NUDCD1: variants seen among roughly 807,000 people sequenced by gnomAD.
NUDCD1 encodes the protein nudC domain-containing protein 1.
In NUDCD1, 60 loss-of-function variants were observed where a neutral mutation model predicts 67.8. That is an observed-to-expected ratio of 0.88 (90% CI 0.72 to 1.10). The LOEUF is 1.10. Among genes scored for constraint, NUDCD1 ranks in the 50% least tolerant of loss-of-function variants. NUDCD1 has a pLI of 0.00. For synonymous variants in NUDCD1, 244 were observed against 230.8 expected (o/e 1.06, Z -0.52); for missense variants, 643 against 695.0 (o/e 0.93, Z 0.84).
intron 8 of NUDCD1, among the ~76,000 whole-genome samples, chr8:109,253,383 C>G (rs1484372803): frequency 6.6e-6 from 1 of 152,160 alleles, no homozygotes; most frequent in African/African-American, 2.4e-5. Flanking sequence ...TAGCACAGAA[C>G]TGACTTAGAG....
intron 1 of NUDCD1, among the ~76,000 whole-genome samples, chr8:109,331,041 T>G (rs1815793122): frequency 6.6e-6 from 1 of 151,836 alleles, no homozygotes; most frequent in South Asian, 2.1e-4. Flanking sequence ...ACCCCGGAAC[T>G]TCAAAGAAAA....
chr8:109,304,920 G>C (rs1815069203), intron 2 of NUDCD1, among the ~76,000 whole-genome samples: 1 of 152,022 alleles, frequency 6.6e-6, no homozygotes, highest in South Asian at 2.1e-4. Flanking sequence ...AAGACAAATG[G>C]TTCTTGGACC....
At chr8:109,277,464 C>CAA (rs113778207) in intron 6 of NUDCD1, among the ~76,000 whole-genome samples, 44 of 144,064 alleles carry the variant, frequency 3.1e-4, no homozygotes, top group African/African-American at 1.1e-3. Flanking sequence ...ACCATCCAAG[C>CAA]AAAAAAAAAA....
chr8:109,266,507 G>T (rs1002802128), intron 8 of NUDCD1, among the ~76,000 whole-genome samples: 1 of 150,278 alleles, frequency 6.7e-6, no homozygotes, highest in African/African-American at 2.5e-5. Flanking sequence ...GCCTCCCAAA[G>T]TGCTGGGATT....
At position 109,325,469 on chromosome 8, in the gene NUDCD1, T is replaced by G. The variant is rs80123363; in HGVS notation, c.119-3006A>C. On this transcript the variant is annotated intron_variant, in intron 1 of 9. Transcript: ENST00000239690. The stretch of plus-strand genomic sequence containing the variant: ...ATCAAAATATAACATAAAATCCCAG[T>G]TTATCAATTTAACATATTTTTAAAA... 9.6e-3 allele frequency among the ~76,000 whole-genome samples: 1,459 copies of G among 152,268 alleles called. 31 individuals are homozygous for G. Among genetic ancestry groups the G allele is most frequent in the African/African-American group, 0.033 (1,382 of 41,552 alleles).
intron 2 of NUDCD1, among the ~76,000 whole-genome samples, chr8:109,304,449 A>G (rs1236852784): frequency 6.6e-6 from 1 of 152,176 alleles, no homozygotes; most frequent in African/African-American, 2.4e-5. Context: ...GCTATGCTAT[A>G]GTATCTTCCA....
intron 6 of NUDCD1, among the ~76,000 whole-genome samples, chr8:109,277,724 ACTT>A (rs1171444579): frequency 6.6e-6 from 1 of 152,216 alleles, no homozygotes; most frequent in Non-Finnish European, 1.5e-5. Flanking sequence ...TGCTGAAACT[ACTT>A]ACATGAAGTC....
At chr8:109,303,056 GGA>G (rs1815026339) in intron 2 of NUDCD1, among the ~76,000 whole-genome samples, 1 of 152,224 alleles carries the variant, frequency 6.6e-6, no homozygotes, top group South Asian at 2.1e-4. Context: ...TGTTCCTCCA[GGA>G]CCGCCTCCCC....
At chr8:109,264,121 G>A (rs1418112706) in intron 8 of NUDCD1, among the ~76,000 whole-genome samples, 1 of 152,182 alleles carries the variant, frequency 6.6e-6, no homozygotes, top group African/African-American at 2.4e-5. Context: ...TACTTGGGAA[G>A]CACTTGGGAA....
chr8:109,296,643 T>G (rs572783551), intron 2 of NUDCD1, 74 bp from the exon 3 acceptor site: 1 of 1,021,202 alleles, frequency 9.8e-7, no homozygotes, highest in Non-Finnish European at 1.4e-6. Flanking sequence ...ATATCTGCGG[T>G]GTGGTGGTTT....
intron 8 of NUDCD1, among the ~76,000 whole-genome samples, chr8:109,269,803 AT>A (rs1477990179): frequency 4.0e-5 from 6 of 151,840 alleles, no homozygotes; most frequent in African/African-American, 1.5e-4. Context: ...CACTAGATTA[AT>A]TTCTATATGC....
chr8:109,275,520 A>G (rs755595883), intron 6 of NUDCD1, 24 bp from the exon 7 acceptor site: 7 of 1,587,662 alleles, frequency 4.4e-6, no homozygotes, highest in Middle Eastern at 1.7e-4. Flanking sequence ...TGGGAAAAGT[A>G]ATGTTACATT....
At position 109,241,879 on chromosome 8, in the gene NUDCD1, G is replaced by T. The variant is rs1813374208; in HGVS notation, c.*1130C>A. On this transcript the variant is annotated 3_prime_UTR_variant, in exon 10 of 10. Coordinates refer to ENST00000239690, the MANE Select transcript of NUDCD1 (RefSeq NM_032869.4). The stretch of plus-strand genomic sequence containing the variant: ...AAAATCCAACTTGAGGTTTATATAA[G>T]ATACATATCTTGAAATGGTATAAAA... 5.1e-6 allele frequency: 2 copies of T among 388,592 alleles called. No individual in the cohort carries two copies. Among genetic ancestry groups the T allele is most frequent in the Non-Finnish European group, 4.5e-6 (1 of 220,130 alleles). The allele number at this position is 388,592 out of a possible 1,614,324, so 24.1% of individuals were successfully genotyped here. A position where few individuals can be genotyped will look rare whatever the true frequency, so the allele number is the denominator to read the frequency against.
intron 5 of NUDCD1, among the ~76,000 whole-genome samples, chr8:109,288,951 T>C (rs1004620201): frequency 1.3e-5 from 2 of 151,854 alleles, no homozygotes; most frequent in African/African-American, 4.8e-5. Flanking sequence ...TATACAAATA[T>C]AAATTTCTTC....
chr8:109,266,944 C>T (rs1363755667), intron 8 of NUDCD1, among the ~76,000 whole-genome samples: 1 of 152,042 alleles, frequency 6.6e-6, no homozygotes, highest in East Asian at 1.9e-4. Flanking sequence ...GAGTTCTGAC[C>T]TTTTCATTAC....
intron 2 of NUDCD1, among the ~76,000 whole-genome samples, chr8:109,299,406 G>A (rs1389466259): frequency 6.6e-6 from 1 of 152,132 alleles, no homozygotes; most frequent in Non-Finnish European, 1.5e-5. Flanking sequence ...TGGTGCTGTT[G>A]GCAAAGGCAT....
At chr8:109,323,989 A>G (rs544159437) in intron 1 of NUDCD1, among the ~76,000 whole-genome samples, 117 of 152,270 alleles carry the variant, frequency 7.7e-4, no homozygotes, top group Admixed American at 3.2e-3. Context: ...ATATAGGTCT[A>G]TGCAAAGATT....
chr8:109,270,735 G>A lies in NUDCD1; in HGVS notation c.1299+270C>T, dbSNP rs143139085. On this transcript the variant is annotated intron_variant, in intron 8 of 9. Transcript: ENST00000239690. ...TACTGTTGAATGAAAAAAAAAAAGT[G>A]AAGTTATTATACATTACAGGGTCAC... Among the ~76,000 whole-genome samples the A allele has an allele frequency of 8.4e-4, 127 of 151,246 alleles. 2 individuals carry two copies. The East Asian group carries it at 0.02, about 23-fold the overall frequency.
chr8:109,301,291 C>G (rs1013683604), intron 2 of NUDCD1, among the ~76,000 whole-genome samples: 1 of 152,174 alleles, frequency 6.6e-6, no homozygotes, highest in Non-Finnish European at 1.5e-5. Context: ...TCTCCCCCCG[C>G]CCTTAAGAAG....
Sources: allele counts gnomAD v4.1 joint callset (sites outside exome capture counted in the v4.1 genomes callset), GRCh38; gene constraint gnomAD v4.1.1; transcripts MANE v1.5; gene names NCBI Gene and HGNC (gene_info 2026-07-23, HGNC 2026-07-21).